The following DSCAM variants were observed in gnomAD, a reference collection of about 807,000 sequenced individuals.
The protein encoded by DSCAM is cell adhesion molecule DSCAM.
A neutral mutation model predicts 217.7 loss-of-function variants in DSCAM; 47 were observed. The observed-to-expected ratio is 0.22, with a 90% confidence interval of 0.17 to 0.28. The LOEUF is 0.28. Ranked by LOEUF, DSCAM falls within the 10% of genes least tolerant of loss-of-function variation. The pLI, the probability that DSCAM is intolerant of heterozygous loss-of-function variation, is 1.00. For missense variants in DSCAM, 2,080 were observed against 2,618.3 expected (o/e 0.79, Z 4.49); for synonymous variants, 1,056 against 1,015.3 (o/e 1.04, Z -0.76).
chr21:40,653,499 A>T (rs2090039140), intron 3 of DSCAM, among the ~76,000 whole-genome samples: 1 of 152,184 alleles, frequency 6.6e-6, no homozygotes, highest in Non-Finnish European at 1.5e-5. Context: ...GGCCAGAGGC[A>T]ATCTGACTCA....
intron 3 of DSCAM, among the ~76,000 whole-genome samples, chr21:40,446,723 T>C (rs890469577): frequency 6.6e-6 from 1 of 152,198 alleles, no homozygotes; most frequent in Non-Finnish European, 1.5e-5. Context: ...AGGAAATAAT[T>C]CTACTGACTA....
chr21:40,690,935 GT>G (rs2090531481), intron 3 of DSCAM, among the ~76,000 whole-genome samples: 1 of 152,194 alleles, frequency 6.6e-6, no homozygotes, highest in African/African-American at 2.4e-5. Context: ...CTACTTCGGG[GT>G]GGAGGGTGGG....
At chr21:40,609,003 G>A (rs1281118619) in intron 3 of DSCAM, among the ~76,000 whole-genome samples, 1 of 152,188 alleles carries the variant, frequency 6.6e-6, no homozygotes, top group Admixed American at 6.5e-5. Flanking sequence ...CACCCAGGCT[G>A]GAGTGCAGTG....
At chr21:40,063,904 G>A (rs959182997) in intron 27 of DSCAM, among the ~76,000 whole-genome samples, 1 of 152,160 alleles carries the variant, frequency 6.6e-6, no homozygotes, top group East Asian at 1.9e-4. Context: ...AAGTTGGCCA[G>A]TCCCAATGGT....
In DSCAM at chr21:40,187,272, C is replaced by T; in HGVS notation, c.2651-13G>A. ...GGGTCTGGGGGCTCTGTGCCATCAA[C>T]AGAAAGACTACGAGTTAGTTCAAAC... On this transcript the variant is annotated splice_polypyrimidine_tract_variant and intron_variant, in intron 13 of 32. Transcript: ENST00000400454. 1 of 1,613,368 alleles carries T rather than the reference C, an allele frequency of 6.2e-7. No individual in the cohort carries two copies. Among genetic ancestry groups the T allele is most frequent in the Non-Finnish European group, 8.5e-7 (1 of 1,179,668 alleles).
chr21:40,616,464 G>C (rs901104675), intron 3 of DSCAM, among the ~76,000 whole-genome samples: 1 of 152,156 alleles, frequency 6.6e-6, no homozygotes, highest in African/African-American at 2.4e-5. Context: ...CCTGATAAAA[G>C]CTCTAGCCTC....
intron 1 of DSCAM, among the ~76,000 whole-genome samples, chr21:40,818,074 G>A (rs949806884): frequency 8.2e-6 from 1 of 122,076 alleles, no homozygotes; most frequent in African/African-American, 3.2e-5. Context: ...CCGCAGTCCG[G>A]CCTGGGCGAC....
intron 1 of DSCAM, among the ~76,000 whole-genome samples, chr21:40,784,846 G>A (rs1333114152): frequency 1.3e-5 from 2 of 152,202 alleles, no homozygotes. Flanking sequence ...CTCCAGTACT[G>A]TGGGGGGAGA....
At chr21:40,542,836 T>A (rs944005561) in intron 3 of DSCAM, among the ~76,000 whole-genome samples, 22 of 152,266 alleles carry the variant, frequency 1.4e-4, no homozygotes, top group African/African-American at 5.1e-4. Context: ...TATTAAATAT[T>A]TGCACCATTA....
intron 3 of DSCAM, among the ~76,000 whole-genome samples, chr21:40,522,456 T>A (rs2076366652): frequency 6.6e-6 from 1 of 152,254 alleles, no homozygotes; most frequent in African/African-American, 2.4e-5. Context: ...ATGCAATGTA[T>A]TTTTAACTGC....
intron 3 of DSCAM, among the ~76,000 whole-genome samples, chr21:40,406,896 T>G (rs902921356): frequency 6.6e-6 from 1 of 152,002 alleles, no homozygotes; most frequent in Non-Finnish European, 1.5e-5. Flanking sequence ...TGGGATTACA[T>G]ATGTGAGCCA....
At chr21:40,359,422 C>T (rs1461504774) in intron 4 of DSCAM, among the ~76,000 whole-genome samples, 13 of 152,178 alleles carry the variant, frequency 8.5e-5, no homozygotes, top group Non-Finnish European at 1.5e-5. Flanking sequence ...AACAAGTTGG[C>T]ATTTTCTTAA....
At chr21:40,810,663 G>A (rs942679951) in intron 1 of DSCAM, among the ~76,000 whole-genome samples, 1 of 152,166 alleles carries the variant, frequency 6.6e-6, no homozygotes, top group Non-Finnish European at 1.5e-5. Context: ...CTACCCAAGA[G>A]GCTAAGGCAG....
At chr21:40,675,381 AATGTAT>A (rs72217792) in intron 3 of DSCAM, among the ~76,000 whole-genome samples, 24,292 of 152,130 alleles carry the variant, frequency 0.16, 2,017 homozygotes, top group East Asian at 0.23. Context: ...CACACAGTGA[AATGTAT>A]ACTTGGGCCT....
chr21:40,723,725 T>C (rs940332155), intron 1 of DSCAM, among the ~76,000 whole-genome samples: 3 of 152,222 alleles, frequency 2.0e-5, no homozygotes, highest in Non-Finnish European at 4.4e-5. Context: ...ATATACATCA[T>C]CTACTATAAT....
rs2073682831 is a variant in DSCAM at position 40,276,101 on chromosome 21, A to G, written c.2352T>C (p.Val784=). 2 of 1,570,820 alleles carry G rather than the reference A, an allele frequency of 1.3e-6. No individual in the cohort carries two copies. ...ADVSKSMYLT[V]KIPAMITSYP... Reference sequence around the variant, plus strand: ...GAAGCATTTCTTCTCTCTTACTTTTAACCGTGAGGTACATGGACTTGCTGA... The same window carrying G: ...GAAGCATTTCTTCTCTCTTACTTTTGACCGTGAGGTACATGGACTTGCTGA... Residue 784 remains valine (V), a synonymous_variant, in exon 11 of 33, where the codon GTT becomes GTC. Coordinates refer to ENST00000400454, the MANE Select transcript of DSCAM (RefSeq NM_001389.5).
In DSCAM at chr21:40,287,148, C is replaced by T. The variant is rs558918561; in HGVS notation, c.2182+8907G>A. Among the ~76,000 whole-genome samples, 5 of 151,756 alleles carry T rather than the reference C, an allele frequency of 3.3e-5. No homozygotes were observed. In the South Asian group the frequency reaches 1.0e-3, roughly 32 times the overall value. ...TCTGCAGCATGATCTGCAGCATGAT[C>T]CACAGTGTGATCCACAGTGTGATCT... is the stretch of plus-strand genomic sequence containing the variant. On this transcript the variant is annotated intron_variant, in intron 10 of 32. Transcript: ENST00000400454.
intron 20 of DSCAM, among the ~76,000 whole-genome samples, chr21:40,113,411 C>T (rs1457746695): frequency 1.3e-5 from 2 of 152,210 alleles, no homozygotes; most frequent in African/African-American, 4.8e-5. Flanking sequence ...TGGGACGTAT[C>T]TCAAAATAAT....
chr21:40,737,481 A>C (rs1235039073), intron 1 of DSCAM, among the ~76,000 whole-genome samples: 1 of 152,144 alleles, frequency 6.6e-6, no homozygotes. Flanking sequence ...CTACTAAAAA[A>C]AATACAAAAA....
Sources: gnomAD v4.1 joint callset for allele counts (sites outside exome capture counted in the v4.1 genomes callset) on GRCh38, gnomAD v4.1.1 for gene constraint, MANE v1.5 for transcripts, NCBI Gene and HGNC (gene_info 2026-07-23, HGNC 2026-07-21) for gene names.